Variants in CPNE4 observed in about 807,000 individuals in gnomAD.
The protein encoded by CPNE4 is copine-4.
Under a neutral mutation model 67.9 loss-of-function variants are expected in CPNE4, and 25 were observed. That is an observed-to-expected ratio of 0.37 (90% confidence interval 0.27 to 0.51). The LOEUF is 0.51. CPNE4 is among the 20% of genes least tolerant of loss of function. The probability of loss-of-function intolerance (pLI) is 0.93; values close to 1 mark genes in which losing one functional copy is unlikely to be tolerated. For missense variants in CPNE4, 464 were observed against 690.8 expected (o/e 0.67, Z 3.68); for synonymous variants, 242 against 244.9 (o/e 0.99, Z 0.11).
intron 2 of CPNE4, among the ~76,000 whole-genome samples, chr3:131,813,311 GA>G (rs2107945704): frequency 6.6e-6 from 1 of 151,360 alleles, no homozygotes; most frequent in Non-Finnish European, 1.5e-5. Flanking sequence ...GAAAAGAAAA[GA>G]GGGAAATGAG....
intron 3 of CPNE4, among the ~76,000 whole-genome samples, chr3:131,723,046 G>A (rs1187962935): frequency 2.0e-5 from 3 of 152,212 alleles, no homozygotes; most frequent in Non-Finnish European, 4.4e-5. Flanking sequence ...TCGACTAAAT[G>A]TGAATGAGAA....
At chr3:131,577,159 C>T (rs923289843) in intron 9 of CPNE4, among the ~76,000 whole-genome samples, 1 of 151,926 alleles carries the variant, frequency 6.6e-6, no homozygotes, top group African/African-American at 2.4e-5. Context: ...AGGGATATGA[C>T]CCAAAGCAGA....
chr3:131,973,790 T>C (rs1237048079), intron 1 of CPNE4, among the ~76,000 whole-genome samples: 2 of 152,218 alleles, frequency 1.3e-5, no homozygotes, highest in African/African-American at 4.8e-5. Context: ...GTCAATTTAA[T>C]TTGTTTATCT....
At chr3:131,737,720 T>C (rs897854268) in intron 2 of CPNE4, among the ~76,000 whole-genome samples, 9 of 152,152 alleles carry the variant, frequency 5.9e-5, no homozygotes, top group Non-Finnish European at 1.3e-4. Context: ...TAATAGCCCT[T>C]CTATGCTGGC....
chr3:132,030,426 A>C, intron 1 of CPNE4, among the ~76,000 whole-genome samples: 1 of 152,224 alleles, frequency 6.6e-6, no homozygotes, highest in Non-Finnish European at 1.5e-5. Flanking sequence ...ATTCAATCAC[A>C]TTTATTGGGT....
rs1480700103 is a variant in CPNE4, at chr3:131,669,827, C to T, written c.592-63G>A. On this transcript the variant is annotated intron_variant, in intron 6 of 15. Coordinates refer to ENST00000429747, the MANE Select transcript of CPNE4 (RefSeq NM_130808.3). The stretch of plus-strand genomic sequence containing the variant: ...AATGCTTGACATTTTCACATTTCCA[C>T]ATTAAAACTGCTTGAGAAACCATTG... 1.4e-5 allele frequency: 17 copies of T among 1,250,186 alleles called. No homozygotes were observed. The Admixed American group carries it at 3.0e-4, about 22-fold the overall frequency. 77.4% of individuals were successfully genotyped at this position (1,250,186 alleles called of 1,614,324 possible). A position where few individuals can be genotyped will look rare whatever the true frequency, so the allele number is the denominator to read the frequency against.
chr3:131,769,409 C>T (rs1291889538), intron 2 of CPNE4, among the ~76,000 whole-genome samples: 3 of 152,094 alleles, frequency 2.0e-5, no homozygotes, highest in Admixed American at 1.3e-4. Context: ...AACCTAACAG[C>T]TACTTTTGCA....
intron 2 of CPNE4, among the ~76,000 whole-genome samples, chr3:131,886,849 A>G (rs2087914020): frequency 1.3e-5 from 2 of 152,106 alleles, no homozygotes; most frequent in Admixed American, 1.3e-4. Flanking sequence ...CAATGTTTGT[A>G]CCCCCATCAT....
intron 10 of CPNE4, among the ~76,000 whole-genome samples, chr3:131,573,545 C>T (rs1937439529): frequency 6.6e-6 from 1 of 152,084 alleles, no homozygotes; most frequent in African/African-American, 2.4e-5. Context: ...AGGTTGAATA[C>T]AGAGTTGTTC....
intron 6 of CPNE4, among the ~76,000 whole-genome samples, chr3:131,684,598 T>G (rs2107678651): frequency 6.6e-6 from 1 of 152,322 alleles, no homozygotes; most frequent in African/African-American, 2.4e-5. Flanking sequence ...ACTCTGTCAC[T>G]TCAGGAAATT....
At chr3:131,886,596 T>A (rs1414872266) in intron 2 of CPNE4, among the ~76,000 whole-genome samples, 1 of 152,094 alleles carries the variant, frequency 6.6e-6, no homozygotes, top group Non-Finnish European at 1.5e-5. Context: ...CCACAGACAC[T>A]CAGTGCCAGC....
At chr3:131,542,180 A>C (rs1935537276) in intron 15 of CPNE4, among the ~76,000 whole-genome samples, 1 of 151,902 alleles carries the variant, frequency 6.6e-6, no homozygotes, top group Non-Finnish European at 1.5e-5. Flanking sequence ...TACTTTGGGC[A>C]GGCACCTTTA....
At chr3:131,827,053 CA>C (rs527238695) in intron 2 of CPNE4, among the ~76,000 whole-genome samples, 3 of 149,136 alleles carry the variant, frequency 2.0e-5, no homozygotes, top group Admixed American at 6.7e-5. Flanking sequence ...CAAAACAAAA[CA>C]AAAAAAAACA....
At chr3:131,693,759 C>A (rs1173330730) in intron 5 of CPNE4, among the ~76,000 whole-genome samples, 1 of 152,160 alleles carries the variant, frequency 6.6e-6, no homozygotes, top group Non-Finnish European at 1.5e-5. Context: ...CTTACCTCCC[C>A]TCTTCCTGGC....
chr3:131,636,155 T>G (rs1053923561), intron 7 of CPNE4, among the ~76,000 whole-genome samples: 1 of 151,770 alleles, frequency 6.6e-6, no homozygotes, highest in Non-Finnish European at 1.5e-5. Context: ...TTGAAGGAAC[T>G]GGATCACTGC....
chr3:131,642,995 G>T (rs1268224393), intron 7 of CPNE4, among the ~76,000 whole-genome samples: 1 of 152,176 alleles, frequency 6.6e-6, no homozygotes, highest in African/African-American at 2.4e-5. Context: ...AACGGGCAGA[G>T]ATTGGAACAG....
intron 3 of CPNE4, among the ~76,000 whole-genome samples, chr3:131,722,845 C>A (rs2081922138): frequency 6.6e-6 from 1 of 152,196 alleles, no homozygotes; most frequent in African/African-American, 2.4e-5. Flanking sequence ...TAGTAGAGTC[C>A]TAACACTGCT....
At chr3:131,765,080 C>T (rs2082977959) in intron 2 of CPNE4, among the ~76,000 whole-genome samples, 1 of 152,054 alleles carries the variant, frequency 6.6e-6, no homozygotes, top group South Asian at 2.1e-4. Flanking sequence ...AAGCTTCTAG[C>T]ATGAGGGCCT....
chr3:131,956,026 A>G (rs1281663027), intron 1 of CPNE4, among the ~76,000 whole-genome samples: 1 of 152,196 alleles, frequency 6.6e-6, no homozygotes, highest in East Asian at 1.9e-4. Flanking sequence ...AGATAGATAG[A>G]TAGATATTGA....
Sources: gnomAD v4.1 joint callset for allele counts (sites outside exome capture counted in the v4.1 genomes callset) on GRCh38, gnomAD v4.1.1 for gene constraint, MANE v1.5 for transcripts, NCBI Gene and HGNC (gene_info 2026-07-23, HGNC 2026-07-21) for gene names.